KIF3C: variants seen among roughly 807,000 people sequenced by gnomAD.
KIF3C encodes the protein kinesin family member 3C, also known as kinesin-like protein KIF3C.
KIF3C carries 12 observed loss-of-function variants against 67.7 expected under a neutral mutation model. The observed-to-expected ratio is 0.18, with a 90% CI of 0.11 to 0.29. The LOEUF is 0.29. Among genes scored for constraint, KIF3C ranks in the 10% least tolerant of loss-of-function variants. The pLI is 1.00. For synonymous variants in KIF3C, 393 were observed against 426.2 expected, an observed-to-expected ratio of 0.92 and a Z score of 0.96; for missense variants, 789 against 1,059.6, an observed-to-expected ratio of 0.74 and a Z score of 3.55.
chr2:25,950,268 A>G (rs1451541574), intron 5 of KIF3C, among the ~76,000 whole-genome samples: 1 of 147,692 alleles, frequency 6.8e-6, no homozygotes, highest in Non-Finnish European at 1.5e-5. Flanking sequence ...CCCAGGCTGG[A>G]GCGCAATGGA....
intron 5 of KIF3C, among the ~76,000 whole-genome samples, chr2:25,948,079 G>A (rs1663493275): frequency 6.6e-6 from 1 of 152,090 alleles, no homozygotes; most frequent in South Asian, 2.1e-4. Flanking sequence ...AAAATGAGCT[G>A]GCCATGGTGG....
intron 5 of KIF3C, among the ~76,000 whole-genome samples, chr2:25,937,395 T>C (rs1038399766): frequency 1.3e-5 from 2 of 152,048 alleles, no homozygotes; most frequent in Non-Finnish European, 2.9e-5. Context: ...TCTCTATAGA[T>C]GAAAACAAGG....
Position 25,954,248 on chromosome 2 carries a change from A to G in KIF3C, c.1889+19T>C, listed in dbSNP as rs1258424394. On this transcript the variant is annotated intron_variant, in intron 4 of 7. Transcript: ENST00000264712. ...GGCTGGCTGTGGGGACCCGGGATGAAAAGAGCTGCGGGCCCTACTTGAGCT... is the reference window on the plus strand; with the variant it reads ...GGCTGGCTGTGGGGACCCGGGATGAGAAGAGCTGCGGGCCCTACTTGAGCT... 3 of 1,590,416 alleles carry G rather than the reference A, an allele frequency of 1.9e-6. No homozygotes were observed. The highest frequency in any genetic ancestry group is 1.7e-6 in the Non-Finnish European group (2 of 1,158,388).
At position 25,962,913 on chromosome 2, in the gene KIF3C, A is replaced by G. The variant is rs1357859041; in HGVS notation, c.1546-6469T>C. On this transcript the variant is annotated intron_variant, in intron 1 of 7. Transcript: ENST00000264712. ...TAATATAAAATATATATAATATATA[A>G]TATATATAATATATAATACATATAA... 3.9e-5 allele frequency among the ~76,000 whole-genome samples: 2 copies of G among 51,104 alleles called. 1 individual carries two copies. The highest frequency in any genetic ancestry group is 2.4e-4 in the African/African-American group (2 of 8,186). The allele number at this position is 51,104 out of a possible 152,430, so 33.5% of individuals were successfully genotyped here.
intron 5 of KIF3C, among the ~76,000 whole-genome samples, chr2:25,943,290 G>A (rs1388244768): frequency 6.6e-6 from 1 of 152,122 alleles, no homozygotes; most frequent in African/African-American, 2.4e-5. Flanking sequence ...AGACCCCATG[G>A]TTCCTGAAAT....
chr2:25,943,862 T>C (rs1041742187), intron 5 of KIF3C, among the ~76,000 whole-genome samples: 8 of 149,974 alleles, frequency 5.3e-5, no homozygotes, highest in African/African-American at 1.7e-4. Flanking sequence ...CAAAATTCTA[T>C]CTAAAAAAAA....
intron 4 of KIF3C, 139 bp downstream of exon 4, chr2:25,954,128 C>T (rs1663733826): frequency 4.3e-6 from 3 of 700,108 alleles, no homozygotes; most frequent in East Asian, 2.5e-5. Flanking sequence ...GTGGGCCCAT[C>T]CCTCAGCCCT....
At chr2:25,977,272 C>T (rs948431415) in intron 1 of KIF3C, among the ~76,000 whole-genome samples, 12 of 152,002 alleles carry the variant, frequency 7.9e-5, no homozygotes, top group Non-Finnish European at 1.0e-4. Flanking sequence ...GGAGAGCTGG[C>T]GAGACAGACT....
rs1418573583 is a variant in KIF3C, at chr2:25,982,329, C to T, written c.-412G>A. On this transcript the variant is annotated 5_prime_UTR_variant, in exon 1 of 8. Coordinates refer to ENST00000264712, the MANE Select transcript of KIF3C (RefSeq NM_002254.8). ...TCCTCCTTCCTCTAGGGATCCATAG[C>T]GTGGGCTGCCGGTCGTGGGCGGCCG... is the stretch of plus-strand genomic sequence containing the variant. 2 of 399,132 alleles carry T rather than the reference C, an allele frequency of 5.0e-6. No homozygotes were observed. The highest frequency in any genetic ancestry group is 8.8e-6 in the Non-Finnish European group (2 of 226,474). 24.7% of individuals were successfully genotyped at this position (399,132 alleles called of 1,614,324 possible).
At position 25,955,731 on chromosome 2, in the gene KIF3C, G is replaced by A. The variant is rs1663790449; in HGVS notation, c.1648-68C>T. The A allele has an allele frequency of 1.3e-6, 2 of 1,578,856 alleles. No homozygotes were observed. Among genetic ancestry groups the A allele is most frequent in the South Asian group, 1.1e-5 (1 of 87,984 alleles). ...ACTCGGGAGGGCCAGGAAAGCTCAG[G>A]GGACTGGCTCACTCTGCCTGTCTCG... is the stretch of plus-strand genomic sequence containing the variant. On this transcript the variant is annotated intron_variant, in intron 2 of 7. Transcript: ENST00000264712. The surrounding 1 kb of genome is among the most constrained non-coding windows in gnomAD (Gnocchi z 5.0).
In KIF3C at chr2:25,926,686, G is replaced by C. The variant is rs2090412530; in HGVS notation, c.*2292C>G. The C allele has an allele frequency of 6.6e-6, 1 of 152,196 alleles. No homozygotes were observed. The highest frequency in any genetic ancestry group is 2.4e-5 in the African/African-American group (1 of 41,440). The allele number at this position is 152,196 out of a possible 1,614,324, so 9.4% of individuals were successfully genotyped here. ...AGCTGCTGGCAGCACCCAGCTGCAG[G>C]TGCATTTCAGCTCAACAGAAAGGCC... On this transcript the variant is annotated 3_prime_UTR_variant, in exon 8 of 8. Transcript: ENST00000264712.
At chr2:25,934,010 T>G in intron 5 of KIF3C, 1 of 368,556 alleles carries the variant, frequency 2.7e-6, no homozygotes, top group Non-Finnish European at 5.6e-6. Context: ...TGTGGTATAT[T>G]CATAGAGTGG....
chr2:25,962,000 A>G (rs1574491458), intron 1 of KIF3C, among the ~76,000 whole-genome samples: 1 of 152,064 alleles, frequency 6.6e-6, no homozygotes, highest in East Asian at 1.9e-4. Context: ...AGTTAAGAGG[A>G]TAAGTCTGGA....
intron 1 of KIF3C, among the ~76,000 whole-genome samples, chr2:25,960,787 T>C (rs1201177453): frequency 6.6e-6 from 1 of 151,978 alleles, no homozygotes; most frequent in East Asian, 1.9e-4. Flanking sequence ...AATATAAAAA[T>C]GGGTCAGGCA....
rs1663622544 is a variant in KIF3C, at chr2:25,951,835, A to C, written c.1960T>G (p.Cys654Gly). Residue 654 changes from cysteine to glycine, a missense_variant, in exon 5 of 8, where the codon TGT (cysteine) becomes GGT (glycine). Transcript: ENST00000264712. ...NKIMNRLFLD[C>G]EEEQWKFQPL... ...TGGAACTTCCACTGCTCCTCCTCAC[A>C]GTCCAGGAAAAGCCGGTTCATGATC... 1 of 1,614,054 alleles carries C rather than the reference A, an allele frequency of 6.2e-7. No individual in the cohort carries two copies.
chr2:25,956,589 G>A lies in KIF3C; in HGVS notation c.1546-145C>T, dbSNP rs569829429. The A allele has an allele frequency of 1.5e-4, 99 of 647,114 alleles. No individual in the cohort carries two copies. The South Asian group carries it at 1.7e-3, about 11-fold the overall frequency. The allele number at this position is 647,114 out of a possible 1,614,324, so 40.1% of individuals were successfully genotyped here. ...GATGGGGCCTTGTGGCTTTCAGGGAGAATGGAGTTTTCCCCTCTAGTGTCT... is the reference window on the plus strand; with the variant it reads ...GATGGGGCCTTGTGGCTTTCAGGGAAAATGGAGTTTTCCCCTCTAGTGTCT... On this transcript the variant is annotated intron_variant, in intron 1 of 7. Coordinates refer to ENST00000264712, the MANE Select transcript of KIF3C (RefSeq NM_002254.8).
At chr2:25,953,514 C>G (rs1196261940) in intron 4 of KIF3C, among the ~76,000 whole-genome samples, 2 of 151,262 alleles carry the variant, frequency 1.3e-5, no homozygotes, top group Non-Finnish European at 1.5e-5. Context: ...GCGCCCGCCA[C>G]CACTCTCGGC....
intron 5 of KIF3C, among the ~76,000 whole-genome samples, chr2:25,939,001 T>C (rs1663214124): frequency 6.6e-6 from 1 of 151,810 alleles, no homozygotes; most frequent in African/African-American, 2.4e-5. Flanking sequence ...TCCTTCCTGC[T>C]CTCCCTCTCT....
At chr2:25,949,181 G>A (rs1463891541) in intron 5 of KIF3C, among the ~76,000 whole-genome samples, 2 of 152,168 alleles carry the variant, frequency 1.3e-5, no homozygotes, top group Non-Finnish European at 2.9e-5. Context: ...TCAAGTGGTT[G>A]GGGGAAAGTT....
Sources: gnomAD v4.1 joint callset for allele counts (sites outside exome capture counted in the v4.1 genomes callset) on GRCh38, gnomAD v4.1.1 for gene constraint, Gnocchi (gnomAD v3.1) non-coding constraint, MANE v1.5 for transcripts, NCBI Gene and HGNC (gene_info 2026-07-23, HGNC 2026-07-21) for gene names.